NUP62CL: variants seen among roughly 807,000 people sequenced by gnomAD.
NUP62CL encodes the protein nucleoporin 62 C-terminal like, also known as nucleoporin-62 C-terminal-like protein.
Under a neutral mutation model 15.3 loss-of-function variants are expected in NUP62CL, and 13 were observed. That is an observed-to-expected ratio of 0.85 (90% CI 0.55 to 1.35). The LOEUF is 1.35. Among genes scored for constraint, NUP62CL ranks in the 40% most tolerant of loss-of-function variants. The pLI, the probability that NUP62CL is intolerant of heterozygous loss-of-function variation, is 0.00. For missense variants in NUP62CL, 123 were observed against 130.6 expected, an observed-to-expected ratio of 0.94 and a Z score of 0.28; for synonymous variants, 54 against 49.2, an observed-to-expected ratio of 1.10 and a Z score of -0.41.
chrX:107,126,087 T>A lies in NUP62CL; in HGVS notation c.*43-1755A>T, dbSNP rs1306079458. On this transcript the variant is annotated intron_variant, in intron 8 of 8. Coordinates refer to ENST00000372466, the MANE Select transcript of NUP62CL (RefSeq NM_017681.3). ...TACACATATTGACATTATTAAAAAA[T>A]AATTGTTCTAAACAATATGAAAATA... 3.6e-5 allele frequency among the ~76,000 whole-genome samples: 4 copies of A among 111,954 alleles called. No individual in the cohort carries two copies. The East Asian group carries it at 1.1e-3, about 31-fold the overall frequency.
chrX:107,151,345 G>A (rs1029742834), intron 7 of NUP62CL, among the ~76,000 whole-genome samples: 33 of 111,658 alleles, frequency 3.0e-4, no homozygotes, highest in East Asian at 1.4e-3. Flanking sequence ...TAGATGCTGA[G>A]ATGTCTTCAA....
intron 8 of NUP62CL, among the ~76,000 whole-genome samples, chrX:107,146,858 C>T (rs1437929036): frequency 9.0e-6 from 1 of 111,049 alleles, no homozygotes; most frequent in African/African-American, 3.3e-5. Flanking sequence ...CTGTACTTTC[C>T]CAGCCTGAGG....
chrX:107,193,186 C>G (rs1927284882), intron 1 of NUP62CL, 114 bp from the exon 2 acceptor site: 1 of 112,137 alleles, frequency 8.9e-6, no homozygotes, highest in Non-Finnish European at 1.9e-5. Context: ...CTCCAAACTT[C>G]TAGAAGTACC....
intron 7 of NUP62CL, among the ~76,000 whole-genome samples, chrX:107,148,170 TACTC>T (rs1381476509): frequency 9.0e-6 from 1 of 111,657 alleles, no homozygotes; most frequent in African/African-American, 3.2e-5. Flanking sequence ...AAAATGGTCT[TACTC>T]AGTTATCGAG....
rs777590136 is a variant in NUP62CL, at chrX:107,160,781, G to T, written c.195-6535C>A. On this transcript the variant is annotated intron_variant, in intron 4 of 8. Transcript: ENST00000372466. ...GCAACCAAAGCCAAAATTGACAAAT[G>T]GGATCTAATTAAACTAAAGAGCTTC... Among the ~76,000 whole-genome samples, 255 of 111,269 alleles carry T rather than the reference G, an allele frequency of 2.3e-3. 1 individual carries two copies. The highest frequency in any genetic ancestry group is 7.8e-3 in the African/African-American group (239 of 30,548).
intron 8 of NUP62CL, among the ~76,000 whole-genome samples, chrX:107,128,212 A>G (rs1301029769): frequency 8.9e-6 from 1 of 112,646 alleles, no homozygotes; most frequent in Non-Finnish European, 1.9e-5. Context: ...ATGATTTAAA[A>G]CAGCAAAAAG....
intron 8 of NUP62CL, among the ~76,000 whole-genome samples, chrX:107,146,310 G>GT (rs977232068): frequency 2.7e-5 from 3 of 111,881 alleles, no homozygotes; most frequent in Non-Finnish European, 3.8e-5. Context: ...ATCAATGATT[G>GT]TGCTGGGGTT....
At chrX:107,125,658 G>T (rs1471706903) in intron 8 of NUP62CL, among the ~76,000 whole-genome samples, 1 of 111,353 alleles carries the variant, frequency 9.0e-6, no homozygotes, top group Non-Finnish European at 1.9e-5. Context: ...TAACTGCGGG[G>T]TGCAATTTTT....
chrX:107,137,840 C>T (rs1324788728), intron 8 of NUP62CL, among the ~76,000 whole-genome samples: 1 of 111,322 alleles, frequency 9.0e-6, no homozygotes, highest in Non-Finnish European at 1.9e-5. Flanking sequence ...CTATCAAATC[C>T]CAGGACATTT....
At chrX:107,129,541 C>T (rs1450678217) in intron 8 of NUP62CL, among the ~76,000 whole-genome samples, 1 of 112,478 alleles carries the variant, frequency 8.9e-6, no homozygotes, top group East Asian at 2.8e-4. Flanking sequence ...ACTGGCTTAA[C>T]ACCAGGCTTA....
chrX:107,137,567 A>G (rs762559486), intron 8 of NUP62CL, among the ~76,000 whole-genome samples: 2 of 112,164 alleles, frequency 1.8e-5, no homozygotes, highest in African/African-American at 6.5e-5. Context: ...ATCAACACAC[A>G]AAAATTGTGT....
At chrX:107,169,599 G>A (rs1057018180) in intron 3 of NUP62CL, among the ~76,000 whole-genome samples, 3 of 111,721 alleles carry the variant, frequency 2.7e-5, no homozygotes, top group African/African-American at 9.8e-5. Context: ...GAGTCACTAT[G>A]GTTAGAACAG....
chrX:107,191,685 C>T (rs746880773), intron 2 of NUP62CL, among the ~76,000 whole-genome samples: 76 of 107,365 alleles, frequency 7.1e-4, no homozygotes, highest in Middle Eastern at 4.7e-3. Context: ...TCCAGCCTGG[C>T]GACAGAGTGA....
At chrX:107,151,591 G>T (rs934321098) in intron 7 of NUP62CL, among the ~76,000 whole-genome samples, 2 of 109,405 alleles carry the variant, frequency 1.8e-5, no homozygotes, top group Non-Finnish European at 3.8e-5. Context: ...GTGGCCAGAG[G>T]ATTTTTCAAC....
At chrX:107,126,487 A>G (rs1414936391) in intron 8 of NUP62CL, among the ~76,000 whole-genome samples, 2 of 112,572 alleles carry the variant, frequency 1.8e-5, no homozygotes, top group African/African-American at 6.5e-5. Flanking sequence ...AACTTAATCA[A>G]GTAATCAAGA....
Position 107,175,173 on chromosome X carries a change from C to T in NUP62CL, c.-27G>A, listed in dbSNP as rs369196165. 1 of 1,121,209 alleles carries T rather than the reference C, an allele frequency of 8.9e-7. No individual in the cohort carries two copies. Among genetic ancestry groups the T allele is most frequent in the African/African-American group, 1.8e-5 (1 of 55,227 alleles). 92.4% of individuals were successfully genotyped at this position (1,121,209 alleles called of 1,213,427 possible). Reference sequence around the variant, plus strand: ...GTGCTTGAACTAGTGGTGGTGGCAACAGCAGCTGCTGGAGCCAAACCTAAA... The same window carrying T: ...GTGCTTGAACTAGTGGTGGTGGCAATAGCAGCTGCTGGAGCCAAACCTAAA... On this transcript the variant is annotated 5_prime_UTR_variant, in exon 3 of 9. Transcript: ENST00000372466.
intron 8 of NUP62CL, among the ~76,000 whole-genome samples, chrX:107,137,182 G>A (rs1212481904): frequency 5.4e-5 from 6 of 111,991 alleles, no homozygotes; most frequent in African/African-American, 1.9e-4. Context: ...ACAAAATCCA[G>A]TACCTGTTCA....
intron 8 of NUP62CL, among the ~76,000 whole-genome samples, chrX:107,146,003 T>C (rs754232447): frequency 2.6e-4 from 29 of 112,006 alleles, no homozygotes; most frequent in Non-Finnish European, 4.3e-4. Context: ...GATTATTTTC[T>C]TATGATTAGA....
chrX:107,176,572 C>G (rs1290405), intron 2 of NUP62CL, among the ~76,000 whole-genome samples: 38,136 of 103,312 alleles, frequency 0.37, 7,845 homozygotes, highest in African/African-American at 0.77. Context: ...TTTTTTTTGT[C>G]GGGGGGGCGA....
Sources: gnomAD v4.1 joint callset for allele counts (sites outside exome capture counted in the v4.1 genomes callset) on GRCh38, gnomAD v4.1.1 for gene constraint, MANE v1.5 for transcripts, NCBI Gene and HGNC (gene_info 2026-07-23, HGNC 2026-07-21) for gene names.